Variants in PASK observed in about 807,000 individuals in gnomAD.
The protein encoded by PASK is PAS domain containing serine/threonine kinase.
In PASK, 110 loss-of-function variants were observed where a neutral mutation model predicts 121.0. That is an observed-to-expected ratio of 0.91 (90% CI 0.78 to 1.06). PASK has a LOEUF of 1.06. PASK is among the 50% of genes least tolerant of loss of function. The pLI, the probability that PASK is intolerant of heterozygous loss-of-function variation, is 0.00. For synonymous variants in PASK, 686 were observed against 717.8 expected, an observed-to-expected ratio of 0.96 and a Z score of 0.71; for missense variants, 1,643 against 1,702.3, an observed-to-expected ratio of 0.97 and a Z score of 0.61.
intron 11 of PASK, 37 bp downstream of exon 11, chr2:241,123,912 G>T (rs1440310796): frequency 6.4e-7 from 1 of 1,562,846 alleles, no homozygotes; most frequent in Middle Eastern, 2.0e-4. Context: ...CACAGTACAA[G>T]GCAAGTCCAG....
intron 2 of PASK, 30 bp downstream of exon 2, chr2:241,142,807 C>A (rs2074834): frequency 0.33 from 495,313 of 1,510,554 alleles, 86,660 homozygotes; most frequent in Middle Eastern, 0.4. Flanking sequence ...TTTCCACGCG[C>A]TAAGGCCTGC....
At chr2:241,147,515 G>A (rs959242048) in intron 1 of PASK, among the ~76,000 whole-genome samples, 3 of 152,176 alleles carry the variant, frequency 2.0e-5, no homozygotes, top group Non-Finnish European at 4.4e-5. Context: ...CAGCTGCTTG[G>A]GAGGTTGAGG....
intron 2 of PASK, among the ~76,000 whole-genome samples, chr2:241,141,269 A>G (rs1250677558): frequency 6.6e-6 from 1 of 152,168 alleles, no homozygotes; most frequent in Non-Finnish European, 1.5e-5. Context: ...CCTGAGCAAC[A>G]GTCAGACCTT....
chr2:241,136,788 C>T (rs1197692960), intron 7 of PASK, among the ~76,000 whole-genome samples: 1 of 152,248 alleles, frequency 6.6e-6, no homozygotes, highest in Non-Finnish European at 1.5e-5. Context: ...CAGTGCTCCT[C>T]TCCCTCCGAC....
chr2:241,127,221 C>G lies in PASK; in HGVS notation c.1694G>C (p.Cys565Ser). ...TAGCTGGGCCTTCTGACACAGGCCA[C>G]ACATGCCAGCATCACTGCCCCCATC... The part of the protein sequence containing the change: ...AEDGGSDAGM[C>S]GLCQKAQLER... Residue 565 changes from cysteine (C) to serine (S), a missense_variant, in exon 10 of 18, where the codon TGT (cysteine) becomes TCT (serine). Physicochemically the swap from Cys to Ser is moderately radical, Grantham distance 112. Transcript: ENST00000234040. 1 of 1,614,278 alleles carries G rather than the reference C, an allele frequency of 6.2e-7. No homozygotes were observed. Among genetic ancestry groups the G allele is most frequent in the Non-Finnish European group, 8.5e-7 (1 of 1,180,044 alleles).
At chr2:241,122,253 AT>A (rs988998350) in intron 12 of PASK, among the ~76,000 whole-genome samples, 5 of 152,192 alleles carry the variant, frequency 3.3e-5, no homozygotes, top group African/African-American at 7.2e-5. Context: ...AATGAAAAAA[AT>A]TTTTTATAAT....
chr2:241,127,946 T>G (rs2065955131), intron 9 of PASK, among the ~76,000 whole-genome samples: 1 of 152,116 alleles, frequency 6.6e-6, no homozygotes. Flanking sequence ...GCTCTCAGAT[T>G]TGGGAAATGG....
At chr2:241,106,753 G>C in intron 17 of PASK, 30 bp from the exon 18 acceptor site, 3 of 1,609,380 alleles carry the variant, frequency 1.9e-6, no homozygotes, top group African/African-American at 1.3e-5. Context: ...ACTGTATCAC[G>C]TGCTAACAAC....
At chr2:241,117,407 C>A (rs1010620809) in intron 12 of PASK, among the ~76,000 whole-genome samples, 1 of 152,310 alleles carries the variant, frequency 6.6e-6, no homozygotes, top group East Asian at 1.9e-4. Flanking sequence ...GGGCGGGAGC[C>A]CTGACACTCT....
intron 15 of PASK, among the ~76,000 whole-genome samples, chr2:241,111,317 A>C (rs531716720): frequency 9.2e-5 from 14 of 152,310 alleles, no homozygotes; most frequent in African/African-American, 3.4e-4. Context: ...TGGGCGGTGC[A>C]GCAGAGCACT....
At chr2:241,114,897 T>G in intron 14 of PASK, 146 bp downstream of exon 14, 1 of 1,535,938 alleles carries the variant, frequency 6.5e-7, no homozygotes, top group Non-Finnish European at 8.7e-7. Context: ...CTTCTCAAAA[T>G]ATATATCCTA....
In PASK at chr2:241,127,127, C is replaced by G. The variant is rs374548274; in HGVS notation, c.1788G>C (p.Gln596His). ...TGCCCCCCGCCAGCTGACCCTTGGC[C>G]TGGGGCTTGGCCACGGCAGCCCCAG... ...LWAGAAVAKP[Q>H]AKGQLAGGSL... is the part of the protein sequence containing the mutation. Residue 596 changes from glutamine (Q) to histidine (H), a missense_variant, in exon 10 of 18, where the codon CAG becomes CAC. By Grantham distance (24) the Gln-to-His change is conservative (BLOSUM62 0). Transcript: ENST00000234040. The G allele has an allele frequency of 6.2e-7, 1 of 1,614,094 alleles. No homozygotes were observed. Among genetic ancestry groups the G allele is most frequent in the African/African-American group, 1.3e-5 (1 of 75,082 alleles).
intron 8 of PASK, 135 bp downstream of exon 8, chr2:241,135,736 C>CT (rs1026429363): frequency 5.3e-5 from 40 of 750,064 alleles, no homozygotes; most frequent in Non-Finnish European, 8.8e-5. Flanking sequence ...ACAGTCACCC[C>CT]CTACTCCGCC....
At position 241,135,858 on chromosome 2, in the gene PASK, G is replaced by A. The variant is rs759091182; in HGVS notation, c.1306+13C>T. The A allele has an allele frequency of 6.2e-7, 1 of 1,612,762 alleles. No homozygotes were observed. Among genetic ancestry groups the A allele is most frequent in the South Asian group, 1.1e-5 (1 of 91,042 alleles). On this transcript the variant is annotated intron_variant, in intron 8 of 17. Coordinates refer to ENST00000234040, the MANE Select transcript of PASK (RefSeq NM_015148.4). ...CAGCTACAGGCGCATTCAGGAGGAA[G>A]AGGACGTCTTACCCTGGCCCCCCTC...
At chr2:241,111,618 C>T (rs565145630) in intron 15 of PASK, among the ~76,000 whole-genome samples, 1 of 152,270 alleles carries the variant, frequency 6.6e-6, no homozygotes, top group South Asian at 2.1e-4. Flanking sequence ...TAAAGTCCCC[C>T]GAGAGGAGGC....
chr2:241,119,451 C>G (rs1559366013), intron 12 of PASK, among the ~76,000 whole-genome samples: 1 of 150,816 alleles, frequency 6.6e-6, no homozygotes, highest in South Asian at 2.1e-4. Context: ...GGCTTCATGT[C>G]AGTAAGCAAG....
Position 241,126,180 on chromosome 2 carries a change from G to A in PASK, c.2719+16C>T. ...CTGGGAGCACCACACTTCTTCCTAT[G>A]GGGCCCGGGACATACTCAGCCGTAA... On this transcript the variant is annotated intron_variant, in intron 10 of 17. Transcript: ENST00000234040. The A allele has an allele frequency of 1.2e-6, 2 of 1,613,096 alleles. No individual in the cohort carries two copies. The highest frequency in any genetic ancestry group is 1.7e-6 in the Non-Finnish European group (2 of 1,179,336).
intron 1 of PASK, 22 bp downstream of exon 1, chr2:241,149,392 C>T (rs755849556): frequency 4.2e-5 from 18 of 427,580 alleles, no homozygotes; most frequent in Admixed American, 8.3e-5. Context: ...CCGGCCCGCT[C>T]TCCCGAGCGC....
At chr2:241,136,127 G>C (rs987058338) in intron 7 of PASK, 88 bp from the exon 8 acceptor site, 2 of 1,175,212 alleles carry the variant, frequency 1.7e-6, no homozygotes, top group Non-Finnish European at 2.6e-6. Context: ...TGAACACAAG[G>C]AGAGCCAGTC....
Sources: gnomAD v4.1 joint callset for allele counts (sites outside exome capture counted in the v4.1 genomes callset) on GRCh38, gnomAD v4.1.1 for gene constraint, MANE v1.5 for transcripts, NCBI Gene and HGNC (gene_info 2026-07-23, HGNC 2026-07-21) for gene names.